Variants in MTMR3 observed in about 807,000 individuals in gnomAD.
MTMR3 encodes myotubularin related protein 3, also known as phosphatidylinositol-3,5-bisphosphate 3-phosphatase MTMR3.
MTMR3 carries 32 observed loss-of-function variants against 132.4 expected under a neutral mutation model. The ratio of observed to expected loss-of-function variants is 0.24; its 90% CI spans 0.18 to 0.32. The LOEUF is 0.32. Ranked by LOEUF, MTMR3 falls within the 10% of genes least tolerant of loss-of-function variation. The pLI is 1.00. For missense variants in MTMR3, 1,216 were observed against 1,489.6 expected (o/e 0.82, Z 3.02); for synonymous variants, 556 against 550.3 (o/e 1.01, Z -0.14).
At position 30,019,833 on chromosome 22, in the gene MTMR3, A is replaced by AG; in HGVS notation, c.2176dup (p.Glu726GlyfsTer8). The AG allele has an allele frequency of 6.2e-7, 1 of 1,614,218 alleles. No homozygotes were observed. The highest frequency in any genetic ancestry group is 8.5e-7 in the Non-Finnish European group (1 of 1,180,028). On this transcript the variant is annotated frameshift_variant, in exon 17 of 20. Coordinates refer to ENST00000401950, the MANE Select transcript of MTMR3 (RefSeq NM_021090.4). LOFTEE classifies it high-confidence loss of function. ...GGTAAAGAGGACCCTCTCTTAGAAA[A>AG]GGAGAGCAGGAGGAAGACACCTGAG...
rs1178288353 is a variant in MTMR3 at position 30,029,348 on chromosome 22, T to G, written c.*3547T>G. ...TACAGCTGCCTTAATCCACTGAGAT[T>G]CTCTATGAGGATGTACAGAAAAGTT... is the stretch of plus-strand genomic sequence containing the variant. On this transcript the variant is annotated 3_prime_UTR_variant, in exon 20 of 20. Coordinates refer to ENST00000401950, the MANE Select transcript of MTMR3 (RefSeq NM_021090.4). The G allele has an allele frequency of 6.6e-6, 1 of 152,338 alleles. No homozygotes were observed. Among genetic ancestry groups the G allele is most frequent in the African/African-American group, 2.4e-5 (1 of 41,450 alleles). 9.4% of individuals were successfully genotyped at this position (152,338 alleles called of 1,614,324 possible).
chr22:30,003,029 T>C, intron 9 of MTMR3, 36 bp downstream of exon 9: 2 of 1,486,536 alleles, frequency 1.3e-6, no homozygotes, highest in Non-Finnish European at 1.9e-6. Flanking sequence ...CTTGGGCTGG[T>C]GCTGCTGCCT....
intron 1 of MTMR3, among the ~76,000 whole-genome samples, chr22:29,892,947 G>A (rs921654871): frequency 2.0e-5 from 3 of 152,134 alleles, no homozygotes; most frequent in African/African-American, 7.2e-5. Context: ...CATTTAATCA[G>A]GACTGTTGTG....
chr22:29,908,029 A>G (rs1602447886), intron 1 of MTMR3, among the ~76,000 whole-genome samples: 1 of 152,172 alleles, frequency 6.6e-6, no homozygotes, highest in Non-Finnish European at 1.5e-5. Flanking sequence ...AGAAATCTAG[A>G]TGAGATCTTG....
At chr22:29,971,486 C>A (rs1338678773) in intron 3 of MTMR3, among the ~76,000 whole-genome samples, 1 of 152,018 alleles carries the variant, frequency 6.6e-6, no homozygotes, top group Non-Finnish European at 1.5e-5. Context: ...TGACAAATTA[C>A]ATATATATTG....
intron 1 of MTMR3, among the ~76,000 whole-genome samples, chr22:29,936,712 T>C (rs1177387605): frequency 6.6e-6 from 1 of 152,348 alleles, no homozygotes; most frequent in East Asian, 1.9e-4. Context: ...TTAATAGAGG[T>C]AATCTGTAGT....
At chr22:30,004,331 TCAG>T (rs945341487) in intron 9 of MTMR3, 1 of 152,032 alleles carries the variant, frequency 6.6e-6, no homozygotes, top group Non-Finnish European at 1.5e-5. Context: ...CTGTGTTAGG[TCAG>T]CAGCCCTGGC....
At chr22:29,945,296 C>T (rs1266928698) in intron 1 of MTMR3, among the ~76,000 whole-genome samples, 3 of 152,186 alleles carry the variant, frequency 2.0e-5, no homozygotes, top group Non-Finnish European at 2.9e-5. Context: ...TGAGCCACTG[C>T]ACCCAGCCTG....
intron 3 of MTMR3, among the ~76,000 whole-genome samples, chr22:29,975,455 T>TA (rs748160166): frequency 2.0e-5 from 3 of 152,230 alleles, no homozygotes; most frequent in Non-Finnish European, 4.4e-5. Flanking sequence ...TTCAGTCCGT[T>TA]ACAATGTTTT....
intron 1 of MTMR3, among the ~76,000 whole-genome samples, chr22:29,900,233 C>T (rs9608822): frequency 0.16 from 24,364 of 152,096 alleles, 2,049 homozygotes; most frequent in South Asian, 0.24. Flanking sequence ...AATCTCAGAA[C>T]ACCAAAACCT....
intron 1 of MTMR3, among the ~76,000 whole-genome samples, chr22:29,905,336 T>G (rs1215328369): frequency 1.3e-5 from 2 of 152,164 alleles, no homozygotes; most frequent in Non-Finnish European, 2.9e-5. Flanking sequence ...AATCCGCACA[T>G]GAGTGGACCT....
At chr22:29,904,806 GGTATGTGTGTGTGTTGT>G (rs2065064763) in intron 1 of MTMR3, among the ~76,000 whole-genome samples, 4 of 122,362 alleles carry the variant, frequency 3.3e-5, no homozygotes, top group African/African-American at 1.1e-4. Context: ...TGTTCAGAGG[GGTATGTGTGTGTGTTGT>G]GTGTGTGTGT....
At chr22:29,968,854 T>C (rs913849820) in intron 2 of MTMR3, among the ~76,000 whole-genome samples, 1 of 152,222 alleles carries the variant, frequency 6.6e-6, no homozygotes, top group African/African-American at 2.4e-5. Context: ...ATCACAAAAG[T>C]TTGGCTTGGT....
At chr22:29,945,718 G>GAA (rs67054738) in intron 1 of MTMR3, among the ~76,000 whole-genome samples, 6,285 of 124,398 alleles carry the variant, frequency 0.051, 472 homozygotes, top group African/African-American at 0.17. Flanking sequence ...AAATGAAAAA[G>GAA]AAAAAAAAAA....
chr22:29,915,368 T>G (rs541141501), intron 1 of MTMR3, among the ~76,000 whole-genome samples: 1 of 152,348 alleles, frequency 6.6e-6, no homozygotes, highest in South Asian at 2.1e-4. Flanking sequence ...TTCTTGTGAT[T>G]AGCACATAGT....
chr22:29,935,477 TCTTAC>T (rs753030475), intron 1 of MTMR3, among the ~76,000 whole-genome samples: 2 of 152,208 alleles, frequency 1.3e-5, no homozygotes, highest in Non-Finnish European at 1.5e-5. Context: ...TGTTTTCAGT[TCTTAC>T]CTTACACACT....
At chr22:29,947,512 A>AC (rs1043743979) in intron 1 of MTMR3, among the ~76,000 whole-genome samples, 2 of 151,576 alleles carry the variant, frequency 1.3e-5, no homozygotes, top group African/African-American at 2.4e-5. Flanking sequence ...TAAAAAAAAA[A>AC]AACAAAAAAC....
chr22:30,023,497 A>G, intron 19 of MTMR3: 5 of 1,614,088 alleles, frequency 3.1e-6, no homozygotes, highest in East Asian at 2.2e-5. Flanking sequence ...AGCATTTGCA[A>G]CAACCTGCCT....
At chr22:29,965,923 A>C (rs922015007) in intron 2 of MTMR3, among the ~76,000 whole-genome samples, 1 of 151,718 alleles carries the variant, frequency 6.6e-6, no homozygotes, top group Admixed American at 6.6e-5. Context: ...CTTACTGTAT[A>C]AACAGTGGTT....
Sources: gnomAD v4.1 joint callset for allele counts (sites outside exome capture counted in the v4.1 genomes callset) on GRCh38, gnomAD v4.1.1 for gene constraint, MANE v1.5 for transcripts, NCBI Gene and HGNC (gene_info 2026-07-23, HGNC 2026-07-21) for gene names.